Variants in NAALADL2 observed in about 807,000 individuals in gnomAD.
NAALADL2 encodes inactive N-acetylated-alpha-linked acidic dipeptidase-like protein 2.
A neutral mutation model predicts 87.2 loss-of-function variants in NAALADL2; 76 were observed. The observed-to-expected ratio is 0.87, with a 90% CI of 0.72 to 1.05. The LOEUF is 1.05. NAALADL2 is among the 50% of genes least tolerant of loss of function. NAALADL2 has a pLI of 0.00. For synonymous variants in NAALADL2, 354 were observed against 331.0 expected (o/e 1.07, Z -0.75); for missense variants, 1,089 against 945.8 (o/e 1.15, Z -1.99).
intron 1 of NAALADL2, among the ~76,000 whole-genome samples, chr3:174,923,736 AT>A (rs1252299208): frequency 6.6e-6 from 1 of 152,002 alleles, no homozygotes; most frequent in African/African-American, 2.4e-5. Flanking sequence ...TTTTTCCTTT[AT>A]TGTAGTCTGG....
intron 11 of NAALADL2, among the ~76,000 whole-genome samples, chr3:175,652,705 C>T (rs1347875995): frequency 6.6e-6 from 1 of 152,002 alleles, no homozygotes; most frequent in Non-Finnish European, 1.5e-5. Context: ...GTCTCGATCT[C>T]CTGACCTCGT....
intron 9 of NAALADL2, among the ~76,000 whole-genome samples, chr3:175,564,206 G>A (rs987067842): frequency 2.6e-5 from 4 of 151,886 alleles, no homozygotes; most frequent in African/African-American, 9.7e-5. Context: ...GCACCTACCT[G>A]ATTTACAGCT....
chr3:174,678,070 C>A (rs1249705630), intron 2 of NAALADL2, among the ~76,000 whole-genome samples: 1 of 152,090 alleles, frequency 6.6e-6, no homozygotes, highest in Non-Finnish European at 1.5e-5. Flanking sequence ...AAAAGAGCAT[C>A]ATTTGGTGTT....
chr3:174,558,132 A>C (rs894235783), intron 2 of NAALADL2, among the ~76,000 whole-genome samples: 1 of 152,160 alleles, frequency 6.6e-6, no homozygotes, highest in African/African-American at 2.4e-5. Flanking sequence ...AGTTCTAAGA[A>C]TAATGGGAAC....
At chr3:174,813,655 T>C (rs961482206) in intron 3 of NAALADL2, among the ~76,000 whole-genome samples, 6 of 152,172 alleles carry the variant, frequency 3.9e-5, no homozygotes, top group African/African-American at 1.4e-4. Context: ...CTTTGTTCTT[T>C]TGTTTTATTT....
chr3:175,208,370 A>G (rs950563658), intron 2 of NAALADL2, among the ~76,000 whole-genome samples: 2 of 152,130 alleles, frequency 1.3e-5, no homozygotes, highest in African/African-American at 4.8e-5. Flanking sequence ...CAGAAATCTT[A>G]AAGTTTATAG....
At chr3:175,089,322 A>G (rs114459415) in intron 1 of NAALADL2, among the ~76,000 whole-genome samples, 1 of 152,266 alleles carries the variant, frequency 6.6e-6, no homozygotes, top group African/African-American at 2.4e-5. Flanking sequence ...AGCCAATAAG[A>G]TGCATTTGCT....
chr3:175,434,938 T>C (rs551210473), intron 5 of NAALADL2, among the ~76,000 whole-genome samples: 1 of 152,210 alleles, frequency 6.6e-6, no homozygotes, highest in South Asian at 2.1e-4. Flanking sequence ...TTTATGGTTG[T>C]TTCCAAATGT....
intron 2 of NAALADL2, among the ~76,000 whole-genome samples, chr3:174,561,894 C>T (rs1417822414): frequency 1.3e-5 from 2 of 152,172 alleles, no homozygotes; most frequent in Admixed American, 1.3e-4. Context: ...AAGTATAGCT[C>T]TTCAAGTGCA....
rs541957866 is a variant in NAALADL2 at position 174,994,507 on chromosome 3, T to C, written c.44-102283T>C. On this transcript the variant is annotated intron_variant, in intron 1 of 13. Transcript: ENST00000454872. ...TTTGAATAATTACCTCATACACAGG[T>C]ACACATTGATCACATTTTTCCCACC... Among the ~76,000 whole-genome samples the C allele has an allele frequency of 2.0e-5, 3 of 152,330 alleles. No homozygotes were observed. In the East Asian group the frequency reaches 5.8e-4, roughly 29 times the overall value.
intron 5 of NAALADL2, among the ~76,000 whole-genome samples, chr3:175,371,920 G>A (rs368955626): frequency 2.6e-5 from 4 of 151,990 alleles, no homozygotes; most frequent in Non-Finnish European, 4.4e-5. Context: ...TCCACAAAGC[G>A]TTCCTTCTAG....
At chr3:174,567,997 T>C (rs376807377) in intron 2 of NAALADL2, among the ~76,000 whole-genome samples, 275 of 151,826 alleles carry the variant, frequency 1.8e-3, no homozygotes, top group Non-Finnish European at 2.8e-3. Context: ...GAGATGAGTA[T>C]TTATAGCTAT....
chr3:175,109,458 G>A (rs949003212), intron 2 of NAALADL2, among the ~76,000 whole-genome samples: 3 of 151,416 alleles, frequency 2.0e-5, no homozygotes, highest in Admixed American at 6.6e-5. Context: ...TGTTCCCATT[G>A]GCCACACCTA....
In NAALADL2 at chr3:174,834,152, C is replaced by T. The variant is rs1579123791; in HGVS notation, c.-9+96406C>T. The stretch of plus-strand genomic sequence containing the variant: ...ATTCCCAAATGCAAGTTTCATTTAA[C>T]ACTTGAAAATCAATTTAATTTAAAA... On this transcript the variant is annotated intron_variant, in intron 3 of 3. Transcript: ENST00000434257. Among the ~76,000 whole-genome samples the T allele has an allele frequency of 4.0e-5, 6 of 148,892 alleles. No homozygotes were observed. The South Asian group carries it at 1.3e-3, about 32-fold the overall frequency.
intron 1 of NAALADL2, among the ~76,000 whole-genome samples, chr3:175,011,263 G>GAGAGGGAGAGAGAGAGAGA (rs1560472148): frequency 1.1e-5 from 1 of 87,970 alleles, no homozygotes; most frequent in African/African-American, 4.9e-5. Flanking sequence ...AGAGAGAGAG[G>GAGAGGGAGAGAGAGAGAGA]GAGAGAGACA....
At chr3:175,305,576 G>T (rs2110258069) in intron 4 of NAALADL2, among the ~76,000 whole-genome samples, 1 of 152,076 alleles carries the variant, frequency 6.6e-6, no homozygotes, top group Non-Finnish European at 1.5e-5. Context: ...AGGCTGGAGT[G>T]CAATGGCACA....
intron 10 of NAALADL2, among the ~76,000 whole-genome samples, chr3:175,605,214 T>A (rs1436658862): frequency 6.6e-6 from 1 of 152,140 alleles, no homozygotes; most frequent in Non-Finnish European, 1.5e-5. Context: ...AAGGACTCCT[T>A]TAGGGTCTTT....
At chr3:174,764,267 A>G (rs981838868) in intron 3 of NAALADL2, among the ~76,000 whole-genome samples, 2 of 152,222 alleles carry the variant, frequency 1.3e-5, no homozygotes, top group South Asian at 2.1e-4. Flanking sequence ...GCTTCAATTC[A>G]TAGTTTTAAG....
At chr3:175,677,481 GT>G (rs1560961372) in intron 11 of NAALADL2, among the ~76,000 whole-genome samples, 42 of 119,224 alleles carry the variant, frequency 3.5e-4, no homozygotes, top group African/African-American at 1.6e-3. Context: ...ATAATGGGGT[GT>G]GTGTGTGTGT....
Sources: gnomAD v4.1 joint callset for allele counts (sites outside exome capture counted in the v4.1 genomes callset) on GRCh38, gnomAD v4.1.1 for gene constraint, MANE v1.5 for transcripts, NCBI Gene and HGNC (gene_info 2026-07-23, HGNC 2026-07-21) for gene names.